Variants in ATXN1 observed in about 807,000 individuals in gnomAD.
ATXN1 encodes the protein ataxin 1, also known as ataxin-1.
Under a neutral mutation model 56.4 loss-of-function variants are expected in ATXN1, and 8 were observed. That is an observed-to-expected ratio of 0.14 (90% CI 0.08 to 0.26). The LOEUF (loss-of-function observed/expected upper bound fraction) is 0.26, where lower values mean the gene tolerates loss of function less well. ATXN1 is among the 10% of genes least tolerant of loss of function. The probability of loss-of-function intolerance (pLI) is 1.00; values close to 1 mark genes in which losing one functional copy is unlikely to be tolerated. For missense variants in ATXN1, 987 were observed against 1,106.5 expected, an observed-to-expected ratio of 0.89 and a Z score of 1.53; for synonymous variants, 514 against 494.6, an observed-to-expected ratio of 1.04 and a Z score of -0.52.
chr6:16,564,136 G>A (rs1265920640), intron 4 of ATXN1, among the ~76,000 whole-genome samples: 1 of 152,142 alleles, frequency 6.6e-6, no homozygotes. Context: ...TATAAAGTGA[G>A]AAACATTGTA....
At position 16,702,480 on chromosome 6, in the gene ATXN1, C is replaced by A. The variant is rs556512845; in HGVS notation, c.-614-44579G>T. Among the ~76,000 whole-genome samples, 106 of 152,296 alleles carry A rather than the reference C, an allele frequency of 7.0e-4. No individual in the cohort carries two copies. The Middle Eastern group carries it at 0.01, about 15-fold the overall frequency. On this transcript the variant is annotated intron_variant, in intron 2 of 7. Coordinates refer to ENST00000436367, the MANE Select transcript of ATXN1 (RefSeq NM_001128164.2). Reference sequence around the variant, plus strand: ...CAATGGCAACAAAAGCCAAAATTGTCAAATGGGATCTAATTAAACTAAAGA... The same window carrying A: ...CAATGGCAACAAAAGCCAAAATTGTAAAATGGGATCTAATTAAACTAAAGA...
chr6:16,740,731 C>T (rs1426101568), intron 2 of ATXN1, among the ~76,000 whole-genome samples: 1 of 152,136 alleles, frequency 6.6e-6, no homozygotes, highest in African/African-American at 2.4e-5. Flanking sequence ...CAGGGTCTCA[C>T]TCTGTGGCCC....
At chr6:16,366,013 C>T (rs1446156777) in intron 6 of ATXN1, among the ~76,000 whole-genome samples, 1 of 152,146 alleles carries the variant, frequency 6.6e-6, no homozygotes, top group Non-Finnish European at 1.5e-5. Flanking sequence ...TGTGTTTCAA[C>T]TCATTCTGAT....
At chr6:16,355,253 A>T (rs1044921625) in intron 6 of ATXN1, among the ~76,000 whole-genome samples, 15 of 152,196 alleles carry the variant, frequency 9.9e-5, no homozygotes, top group African/African-American at 3.4e-4. Flanking sequence ...CTTTTGCACA[A>T]ACTTACATAC....
chr6:16,710,213 C>T (rs902030589), intron 2 of ATXN1, among the ~76,000 whole-genome samples: 9 of 152,050 alleles, frequency 5.9e-5, no homozygotes, highest in South Asian at 2.1e-4. Flanking sequence ...TGTATTATAT[C>T]GAAAAGCATA....
At chr6:16,714,173 ACCACAC>A (rs10553568) in intron 2 of ATXN1, among the ~76,000 whole-genome samples, 70,160 of 127,080 alleles carry the variant, frequency 0.55, 18,975 homozygotes, top group South Asian at 0.65. Context: ...GAAAAAAAAA[ACCACAC>A]ACCACACACA....
intron 6 of ATXN1, among the ~76,000 whole-genome samples, chr6:16,463,275 C>A (rs917360393): frequency 6.6e-6 from 1 of 152,192 alleles, no homozygotes; most frequent in Non-Finnish European, 1.5e-5. Context: ...TCTGCCTCCC[C>A]ACTAACTGGA....
Position 16,328,421 on chromosome 6 carries a change from T to C in ATXN1, c.-111A>G. 3 of 1,352,542 alleles carry C rather than the reference T, an allele frequency of 2.2e-6. No individual in the cohort carries two copies. Among genetic ancestry groups the C allele is most frequent in the Non-Finnish European group, 2.8e-6 (3 of 1,054,792 alleles). 83.8% of individuals were successfully genotyped at this position (1,352,542 alleles called of 1,614,324 possible). ...TTCTGTAGGGGATCCAGGCTCTTCA[T>C]GAGGAATCATCTCCCCGTGGGTACA... On this transcript the variant is annotated 5_prime_UTR_variant, in exon 7 of 8. It removes an upstream start codon present in the reference 5' UTR. Coordinates refer to ENST00000436367, the MANE Select transcript of ATXN1 (RefSeq NM_001128164.2). This position sits in a 1 kb window ranked among gnomAD's most constrained non-coding sequence, Gnocchi z 6.2.
chr6:16,327,175 C>T lies in ATXN1; in HGVS notation c.1136G>A (p.Arg379Gln), dbSNP rs376010997. The change falls in exon 7 of 8, where the codon CGG becomes CAG. Residue 379 changes from arginine to glutamine, a missense_variant. Coordinates refer to ENST00000436367, the MANE Select transcript of ATXN1 (RefSeq NM_001128164.2). Reference sequence around the variant, plus strand: ...GTTGGGCAGGACCATCACAGAGGCCCGGACCCCCGAAGGATCACGACTGCT... The same window carrying T: ...GTTGGGCAGGACCATCACAGAGGCCTGGACCCCCGAAGGATCACGACTGCT... ...DYSSRDPSGV[R>Q]ASVMVLPNSN... is the part of the protein sequence containing the mutation. The T allele has an allele frequency of 5.0e-5, 81 of 1,613,732 alleles. No individual in the cohort carries two copies. Among genetic ancestry groups the T allele is most frequent in the Non-Finnish European group, 6.1e-5 (72 of 1,180,022 alleles).
chr6:16,671,497 A>G (rs1296205952), intron 2 of ATXN1, among the ~76,000 whole-genome samples: 2 of 152,154 alleles, frequency 1.3e-5, no homozygotes, highest in Non-Finnish European at 2.9e-5. Flanking sequence ...GAAACTAATC[A>G]ATGTGTTTCT....
At chr6:16,679,017 C>T (rs537469025) in intron 2 of ATXN1, among the ~76,000 whole-genome samples, 1 of 143,216 alleles carries the variant, frequency 7.0e-6, no homozygotes, top group South Asian at 2.2e-4. Context: ...GCCTGGGCAA[C>T]AAGAGTGAAA....
intron 6 of ATXN1, among the ~76,000 whole-genome samples, chr6:16,347,937 C>T (rs960938109): frequency 5.9e-5 from 9 of 152,204 alleles, no homozygotes; most frequent in African/African-American, 1.9e-4. Flanking sequence ...TCTATACTGC[C>T]TGTATGAGCT....
intron 7 of ATXN1, among the ~76,000 whole-genome samples, chr6:16,322,317 A>T (rs1445334326): frequency 6.6e-6 from 1 of 152,126 alleles, no homozygotes; most frequent in Non-Finnish European, 1.5e-5. Context: ...CAGAGAGGTG[A>T]AGTAACTTGT....
chr6:16,626,588 G>A lies in ATXN1; in HGVS notation c.-489+31188C>T, dbSNP rs10949370. 5.3e-3 allele frequency among the ~76,000 whole-genome samples: 803 copies of A among 152,202 alleles called. 12 individuals are homozygous for A. The highest frequency in any genetic ancestry group is 0.018 in the African/African-American group (745 of 41,524). ...TGAGATTACAGGCATGAGCCACTGCGCCCAGCTGGTTTAATCATACTTAAT... is the reference window on the plus strand; with the variant it reads ...TGAGATTACAGGCATGAGCCACTGCACCCAGCTGGTTTAATCATACTTAAT... On this transcript the variant is annotated intron_variant, in intron 3 of 7. Transcript: ENST00000436367.
intron 5 of ATXN1, among the ~76,000 whole-genome samples, chr6:16,499,299 C>A (rs918473487): frequency 6.6e-6 from 1 of 152,026 alleles, no homozygotes; most frequent in African/African-American, 2.4e-5. Flanking sequence ...TGATTTTAGT[C>A]TTTTCTCTTG....
intron 6 of ATXN1, among the ~76,000 whole-genome samples, chr6:16,350,962 C>T (rs1761552987): frequency 6.6e-6 from 1 of 152,094 alleles, no homozygotes; most frequent in South Asian, 2.1e-4. Flanking sequence ...TGCATGCTTG[C>T]AGTCCCAGCA....
intron 6 of ATXN1, among the ~76,000 whole-genome samples, chr6:16,395,019 T>C (rs1326128611): frequency 6.6e-6 from 1 of 151,866 alleles, no homozygotes; most frequent in Non-Finnish European, 1.5e-5. Context: ...GTTTAATAAA[T>C]TATATTAAAA....
chr6:16,408,929 CTTGG>C (rs1758742446), intron 6 of ATXN1, among the ~76,000 whole-genome samples: 1 of 152,120 alleles, frequency 6.6e-6, no homozygotes, highest in Non-Finnish European at 1.5e-5. Context: ...TAATTCTTAC[CTTGG>C]CACCCAAGAG....
At chr6:16,735,921 G>A (rs901453686) in intron 2 of ATXN1, among the ~76,000 whole-genome samples, 2 of 152,088 alleles carry the variant, frequency 1.3e-5, no homozygotes, top group African/African-American at 4.8e-5. Flanking sequence ...AACTTATTCC[G>A]CATTATTTTT....
Sources: gnomAD v4.1 joint callset for allele counts (sites outside exome capture counted in the v4.1 genomes callset) on GRCh38, gnomAD v4.1.1 for gene constraint, Gnocchi (gnomAD v3.1) non-coding constraint, MANE v1.5 for transcripts, NCBI Gene and HGNC (gene_info 2026-07-23, HGNC 2026-07-21) for gene names.